DOCK10: variants seen among roughly 807,000 people sequenced by gnomAD.
DOCK10 encodes the protein dedicator of cytokinesis 10, also known as dedicator of cytokinesis protein 10.
Under a neutral mutation model 280.1 loss-of-function variants are expected in DOCK10, and 145 were observed. That is an observed-to-expected ratio of 0.52 (90% confidence interval 0.45 to 0.59). DOCK10 has a LOEUF of 0.59. Ranked by LOEUF, DOCK10 falls within the 20% of genes least tolerant of loss-of-function variation. The pLI is 0.00. For synonymous variants in DOCK10, 915 were observed against 942.2 expected (o/e 0.97, Z 0.53); for missense variants, 2,368 against 2,651.7 (o/e 0.89, Z 2.35).
chr2:224,832,830 C>G (rs1307760249), intron 26 of DOCK10, among the ~76,000 whole-genome samples: 1 of 152,136 alleles, frequency 6.6e-6, no homozygotes, highest in Non-Finnish European at 1.5e-5. Context: ...TTGAAACCAC[C>G]AGCACTAATG....
chr2:224,867,204 T>C (rs141324259), intron 11 of DOCK10, among the ~76,000 whole-genome samples: 205 of 152,318 alleles, frequency 1.3e-3, no homozygotes, highest in African/African-American at 4.4e-3. Flanking sequence ...CAAGGGTTCA[T>C]TCTAGCCTTT....
In DOCK10 at chr2:224,776,594, C is replaced by T. The variant is rs190197729; in HGVS notation, c.5803-1479G>A. On this transcript the variant is annotated intron_variant, in intron 51 of 55. Transcript: ENST00000258390. ...TCTGCCCAGACTCAAGGATTTCATG[C>T]CCAGATGCCTCCAAACTTGAGCTTG... Among the ~76,000 whole-genome samples the T allele has an allele frequency of 1.8e-3, 266 of 151,944 alleles. 1 individual carries two copies. Among genetic ancestry groups the T allele is most frequent in the Admixed American group, 3.5e-3 (53 of 15,252 alleles).
intron 2 of DOCK10, among the ~76,000 whole-genome samples, chr2:224,921,110 A>T (rs796625269): frequency 0.35 from 24,123 of 69,094 alleles, 4,770 homozygotes; most frequent in Non-Finnish European, 0.37. Context: ...AAAAAAAAAA[A>T]AAATATATAT....
chr2:225,014,220 T>A (rs898577469), intron 1 of DOCK10, among the ~76,000 whole-genome samples: 1 of 151,808 alleles, frequency 6.6e-6, no homozygotes, highest in Non-Finnish European at 1.5e-5. Context: ...GAATTTTTGA[T>A]GATATCATCT....
chr2:224,957,586 T>C (rs577682866), intron 1 of DOCK10, among the ~76,000 whole-genome samples: 1 of 152,260 alleles, frequency 6.6e-6, no homozygotes, highest in Non-Finnish European at 1.5e-5. Context: ...CCAAATCCAG[T>C]ATTTCCTTGA....
At position 225,042,127 on chromosome 2, in the gene DOCK10, A is replaced by C; in HGVS notation, c.123+125T>G. Reference sequence around the variant, plus strand: ...AGCCCGCAGAGGCGGCGGGGGAGGGAGTGCGGAGGAGAGGACCCGTGAGCT... The same window carrying C: ...AGCCCGCAGAGGCGGCGGGGGAGGGCGTGCGGAGGAGAGGACCCGTGAGCT... On this transcript the variant is annotated intron_variant, in intron 1 of 55. Transcript: ENST00000258390. This position sits in a 1 kb window ranked among gnomAD's most constrained non-coding sequence, Gnocchi z 5.1. The C allele has an allele frequency of 9.2e-7, 1 of 1,084,110 alleles. No individual in the cohort carries two copies. The highest frequency in any genetic ancestry group is 1.2e-6 in the Non-Finnish European group (1 of 860,604). 67.2% of individuals were successfully genotyped at this position (1,084,110 alleles called of 1,614,324 possible).
At chr2:224,887,742 T>C (rs1699393852) in intron 4 of DOCK10, among the ~76,000 whole-genome samples, 2 of 152,214 alleles carry the variant, frequency 1.3e-5, no homozygotes, top group African/African-American at 2.4e-5. Context: ...AATGGTATTA[T>C]AGTGAAGCAA....
At chr2:224,952,941 C>T (rs909448949) in intron 1 of DOCK10, among the ~76,000 whole-genome samples, 3 of 152,212 alleles carry the variant, frequency 2.0e-5, no homozygotes, top group African/African-American at 4.8e-5. Context: ...GTTAGATAGG[C>T]TATCCAATCC....
intron 1 of DOCK10, among the ~76,000 whole-genome samples, chr2:224,939,443 T>TA (rs1349510467): frequency 2.0e-5 from 3 of 152,108 alleles, no homozygotes; most frequent in Non-Finnish European, 2.9e-5. Flanking sequence ...GTATAGCAAA[T>TA]AAAAATAAAA....
chr2:224,854,002 G>A (rs1241636426), intron 16 of DOCK10, among the ~76,000 whole-genome samples: 1 of 152,046 alleles, frequency 6.6e-6, no homozygotes, highest in Non-Finnish European at 1.5e-5. Context: ...TTCCATATCA[G>A]GTAGAGGAAA....
At chr2:225,011,066 G>A (rs1023065791) in intron 1 of DOCK10, among the ~76,000 whole-genome samples, 2 of 152,218 alleles carry the variant, frequency 1.3e-5, no homozygotes, top group African/African-American at 4.8e-5. Flanking sequence ...TTCTGACAAA[G>A]CAAAAGTAGT....
At chr2:224,810,919 A>T (rs910822953) in intron 31 of DOCK10, among the ~76,000 whole-genome samples, 1 of 151,892 alleles carries the variant, frequency 6.6e-6, no homozygotes, top group Non-Finnish European at 1.5e-5. Flanking sequence ...AGTCTTTGCT[A>T]TTGTGAATAG....
At chr2:224,830,245 C>T (rs910217838) in intron 27 of DOCK10, among the ~76,000 whole-genome samples, 2 of 152,192 alleles carry the variant, frequency 1.3e-5, no homozygotes, top group African/African-American at 4.8e-5. Context: ...CCTTCCTTCC[C>T]CCTTTTCATT....
At chr2:224,980,492 CG>C (rs1705691326) in intron 1 of DOCK10, among the ~76,000 whole-genome samples, 1 of 152,156 alleles carries the variant, frequency 6.6e-6, no homozygotes, top group Non-Finnish European at 1.5e-5. Context: ...TGTTCATTGG[CG>C]GATTCCAAGT....
At chr2:224,863,546 G>A (rs1342433850) in intron 13 of DOCK10, among the ~76,000 whole-genome samples, 2 of 151,934 alleles carry the variant, frequency 1.3e-5, no homozygotes, top group Non-Finnish European at 2.9e-5. Flanking sequence ...TCCGCCTCCC[G>A]GGTTCACGCC....
chr2:224,945,656 C>T (rs1312512895), intron 1 of DOCK10, among the ~76,000 whole-genome samples: 1 of 151,442 alleles, frequency 6.6e-6, no homozygotes, highest in East Asian at 1.9e-4. Context: ...TTATAAAGAG[C>T]CTATATATAT....
rs762674208 is a variant in DOCK10, at chr2:224,844,860, A to G, written c.2482-21T>C. 4 of 1,542,124 alleles carry G rather than the reference A, an allele frequency of 2.6e-6. No homozygotes were observed. The East Asian group carries it at 6.8e-5, about 26-fold the overall frequency. ...CCATGCTGCAAAATAAAGTTTGTTT[A>G]CTGTCACTGGGACAATTCGAGAGAA... On this transcript the variant is annotated intron_variant, in intron 21 of 55. Transcript: ENST00000258390.
chr2:224,944,305 A>C (rs376073607), intron 1 of DOCK10, among the ~76,000 whole-genome samples: 50 of 152,340 alleles, frequency 3.3e-4, no homozygotes, highest in African/African-American at 1.1e-3. Context: ...CGTGACCTGT[A>C]GTCCAGTGAC....
intron 2 of DOCK10, among the ~76,000 whole-genome samples, chr2:224,917,099 A>ATTTTTTTT (rs1559754057): frequency 5.0e-4 from 30 of 60,244 alleles, no homozygotes; most frequent in South Asian, 1.2e-3. Flanking sequence ...TTCTATTGGA[A>ATTTTTTTT]TCTTTTTTTT....
Sources: gnomAD v4.1 joint callset for allele counts (sites outside exome capture counted in the v4.1 genomes callset) on GRCh38, gnomAD v4.1.1 for gene constraint, Gnocchi (gnomAD v3.1) non-coding constraint, MANE v1.5 for transcripts, NCBI Gene and HGNC (gene_info 2026-07-23, HGNC 2026-07-21) for gene names.